The following KCNK10 variants were observed in gnomAD, a reference collection of about 807,000 sequenced individuals.
KCNK10 encodes the protein potassium two pore domain channel subfamily K member 10, also known as potassium channel subfamily K member 10.
In KCNK10, 25 loss-of-function variants were observed where a neutral mutation model predicts 47.7. The ratio of observed to expected loss-of-function variants is 0.52; its 90% CI spans 0.38 to 0.73. The LOEUF is 0.73. KCNK10 is among the 30% of genes least tolerant of loss of function. The probability of loss-of-function intolerance (pLI) is 0.00; values close to 1 mark genes in which losing one functional copy is unlikely to be tolerated. For synonymous variants in KCNK10, 303 were observed against 285.6 expected (o/e 1.06, Z -0.61); for missense variants, 563 against 714.5 (o/e 0.79, Z 2.42).
Position 88,250,210 on chromosome 14 carries a change from T to G in KCNK10, c.403-9390A>C, listed in dbSNP as rs1436218470. The stretch of plus-strand genomic sequence containing the variant: ...CTCTTTAATTTCTGGCTTAAAAGCT[T>G]TAGATCTCCTTCACTAAACAGTGAT... On this transcript the variant is annotated intron_variant, in intron 2 of 6. Coordinates refer to ENST00000319231, the MANE Select transcript of KCNK10 (RefSeq NM_138317.3). Among the ~76,000 whole-genome samples the G allele has an allele frequency of 2.6e-5, 4 of 152,214 alleles. 1 individual carries two copies. Among genetic ancestry groups the G allele is most frequent in the Non-Finnish European group, 5.9e-5 (4 of 68,030 alleles).
chr14:88,315,616 A>T (rs1416395277), intron 1 of KCNK10, among the ~76,000 whole-genome samples: 1 of 152,104 alleles, frequency 6.6e-6, no homozygotes, highest in Non-Finnish European at 1.5e-5. Context: ...GCACATAAGA[A>T]ACTCATTTTC....
At chr14:88,316,600 C>T (rs12894170) in intron 1 of KCNK10, among the ~76,000 whole-genome samples, 23,709 of 152,160 alleles carry the variant, frequency 0.16, 2,034 homozygotes, top group East Asian at 0.25. Context: ...ACATGCCATG[C>T]AGAGCTAAGC....
chr14:88,231,668 C>A (rs191088525), intron 3 of KCNK10, among the ~76,000 whole-genome samples: 98 of 152,344 alleles, frequency 6.4e-4, no homozygotes, highest in Non-Finnish European at 1.0e-3. Context: ...GGGACTTTCT[C>A]ACGTTGAATT....
chr14:88,199,537 G>A (rs558189779), intron 4 of KCNK10, among the ~76,000 whole-genome samples: 2 of 152,270 alleles, frequency 1.3e-5, no homozygotes, highest in East Asian at 1.9e-4. Context: ...GGAGAGCAGT[G>A]TTAGGGTTCT....
chr14:88,292,723 C>G (rs1345495381), intron 1 of KCNK10, among the ~76,000 whole-genome samples: 1 of 152,156 alleles, frequency 6.6e-6, no homozygotes, highest in African/African-American at 2.4e-5. Flanking sequence ...AAGCCCTCCC[C>G]ACTTGTTCAA....
At chr14:88,224,340 C>A (rs1342034533) in intron 4 of KCNK10, among the ~76,000 whole-genome samples, 1 of 152,196 alleles carries the variant, frequency 6.6e-6, no homozygotes, top group African/African-American at 2.4e-5. Context: ...AGCTTATAAG[C>A]AATAAAGCTG....
intron 4 of KCNK10, among the ~76,000 whole-genome samples, chr14:88,213,812 T>C (rs2139854522): frequency 6.6e-6 from 1 of 152,116 alleles, no homozygotes; most frequent in Non-Finnish European, 1.5e-5. Flanking sequence ...AAGAGATATT[T>C]AATACTACTT....
upstream of KCNK10, among the ~76,000 whole-genome samples, chr14:88,325,590 T>C (rs1314249521): frequency 2.0e-5 from 3 of 152,182 alleles, no homozygotes; most frequent in Non-Finnish European, 4.4e-5. Flanking sequence ...CCTTGTGAGC[T>C]CATCCAGTCC....
intron 4 of KCNK10, among the ~76,000 whole-genome samples, chr14:88,203,348 A>G (rs992313801): frequency 6.6e-6 from 1 of 152,150 alleles, no homozygotes; most frequent in African/African-American, 2.4e-5. Context: ...AATTATTTTC[A>G]TTTTTGTTTA....
intron 5 of KCNK10, among the ~76,000 whole-genome samples, chr14:88,189,391 C>T (rs1410205896): frequency 6.6e-6 from 1 of 152,182 alleles, no homozygotes; most frequent in Admixed American, 6.5e-5. Flanking sequence ...TCTGAGTTCC[C>T]GCACCAGTAA....
In KCNK10 at chr14:88,186,133, G is replaced by A. The variant is rs375034474; in HGVS notation, c.1034C>T (p.Ala345Val). 7 of 1,593,128 alleles carry A rather than the reference G, an allele frequency of 4.4e-6. No individual in the cohort carries two copies. The highest frequency in any genetic ancestry group is 2.7e-5 in the African/African-American group (2 of 74,428). The change falls in exon 7 of 7, where the codon GCG becomes GTG. Residue 345 changes from alanine (A) to valine (V), a missense_variant. Ala to Val is a moderately conservative substitution (Grantham distance 64). Coordinates refer to ENST00000319231, the MANE Select transcript of KCNK10 (RefSeq NM_138317.3). The surrounding 1 kb of genome is among the most constrained non-coding windows in gnomAD (Gnocchi z 5.5). ...KEEVGEIKAH[A>V]AEWKANVTAE... is the part of the protein sequence containing the mutation. ...CGTGACATTGGCCTTCCACTCTGCC[G>A]CATGGGCCTTGATTTCACCCACCTG...
chr14:88,209,022 C>T (rs142603844), intron 4 of KCNK10, among the ~76,000 whole-genome samples: 1,829 of 152,082 alleles, frequency 0.012, 30 homozygotes, highest in African/African-American at 0.042. Context: ...TGCCAAGGAA[C>T]GGAACAAATA....
chr14:88,211,143 T>C (rs1216042512), intron 4 of KCNK10, among the ~76,000 whole-genome samples: 1 of 152,138 alleles, frequency 6.6e-6, no homozygotes, highest in Non-Finnish European at 1.5e-5. Context: ...CAAAATGTGG[T>C]ATATACAGAC....
intron 1 of KCNK10, among the ~76,000 whole-genome samples, chr14:88,306,018 G>T (rs1221653842): frequency 6.6e-6 from 1 of 152,134 alleles, no homozygotes; most frequent in Non-Finnish European, 1.5e-5. Flanking sequence ...AGCAAAGTAG[G>T]CTCAGTCAAG....
chr14:88,184,643 T>C lies in KCNK10; in HGVS notation c.*892A>G, dbSNP rs1004717888. The C allele has an allele frequency of 7.9e-5, 12 of 152,476 alleles. No homozygotes were observed. The highest frequency in any genetic ancestry group is 2.9e-4 in the African/African-American group (12 of 41,578). The allele number at this position is 152,476 out of a possible 1,614,324, so 9.4% of individuals were successfully genotyped here. The stretch of plus-strand genomic sequence containing the variant: ...ACTGGCATCATGCAAGGCAATTGTT[T>C]TGGTATTTCTACCCCTCTTATCAAA... On this transcript the variant is annotated 3_prime_UTR_variant, in exon 7 of 7. Transcript: ENST00000319231.
intron 1 of KCNK10, among the ~76,000 whole-genome samples, chr14:88,298,027 G>A (rs1888022469): frequency 6.6e-6 from 1 of 152,106 alleles, no homozygotes; most frequent in African/African-American, 2.4e-5. Flanking sequence ...AGGCAGAATT[G>A]CATCCACAGC....
intron 1 of KCNK10, among the ~76,000 whole-genome samples, chr14:88,278,798 C>T (rs2139769933): frequency 6.6e-6 from 1 of 152,260 alleles, no homozygotes; most frequent in African/African-American, 2.4e-5. Context: ...CTCCACCTCA[C>T]AGAAAGGAGG....
chr14:88,241,685 C>T (rs1387653696), intron 2 of KCNK10, among the ~76,000 whole-genome samples: 1 of 152,184 alleles, frequency 6.6e-6, no homozygotes, highest in East Asian at 1.9e-4. Flanking sequence ...GTTCCCTGTA[C>T]TTATGTACCT....
rs1427389601 is a variant in KCNK10, at chr14:88,278,079, C to T, written c.53-14528G>A. Reference sequence around the variant, plus strand: ...ACCAAGGTGATGAGCAGAATCCCTGCTGTCCAGGAATGGATGAGTTGGGTG... The same window carrying T: ...ACCAAGGTGATGAGCAGAATCCCTGTTGTCCAGGAATGGATGAGTTGGGTG... On this transcript the variant is annotated intron_variant, in intron 1 of 6. Coordinates refer to ENST00000319231, the MANE Select transcript of KCNK10 (RefSeq NM_138317.3). Among the ~76,000 whole-genome samples, 3 of 152,204 alleles carry T rather than the reference C, an allele frequency of 2.0e-5. No homozygotes were observed. The East Asian group carries it at 5.8e-4, about 29-fold the overall frequency.
Sources: allele counts gnomAD v4.1 joint callset (sites outside exome capture counted in the v4.1 genomes callset), GRCh38; gene constraint gnomAD v4.1.1; non-coding constraint Gnocchi (gnomAD v3.1); transcripts MANE v1.5; gene names NCBI Gene and HGNC (gene_info 2026-07-23, HGNC 2026-07-21).